ZNF652: variants seen among roughly 807,000 people sequenced by gnomAD.
ZNF652 encodes zinc finger protein 652.
Under a neutral mutation model 45.2 loss-of-function variants are expected in ZNF652, and 16 were observed. The ratio of observed to expected loss-of-function variants is 0.35; its 90% confidence interval spans 0.24 to 0.54. The LOEUF is 0.54. ZNF652 is among the 20% of genes least tolerant of loss of function. The probability of loss-of-function intolerance (pLI) is 0.91; values close to 1 mark genes in which losing one functional copy is unlikely to be tolerated. For missense variants in ZNF652, 614 were observed against 765.6 expected, an observed-to-expected ratio of 0.80 and a Z score of 2.34; for synonymous variants, 250 against 260.6, an observed-to-expected ratio of 0.96 and a Z score of 0.39.
intron 1 of ZNF652, among the ~76,000 whole-genome samples, chr17:49,357,527 G>A (rs909512216): frequency 2.6e-5 from 4 of 152,054 alleles, no homozygotes; most frequent in Non-Finnish European, 5.9e-5. Context: ...GAAGACAATT[G>A]AAATTGTATT....
chr17:49,312,665 T>C, intron 3 of ZNF652, 33 bp downstream of exon 3: 1 of 1,601,944 alleles, frequency 6.2e-7, no homozygotes, highest in Non-Finnish European at 8.5e-7. Context: ...CAAGGGAAAA[T>C]TATAGGTATA....
At chr17:49,330,561 C>T (rs771246299) in intron 1 of ZNF652, among the ~76,000 whole-genome samples, 23 of 151,870 alleles carry the variant, frequency 1.5e-4, no homozygotes, top group Admixed American at 3.9e-4. Context: ...GTTGCCCAGG[C>T]TGGTCTTGAA....
At chr17:49,320,303 T>C (rs1334483629) in intron 1 of ZNF652, among the ~76,000 whole-genome samples, 27 of 152,264 alleles carry the variant, frequency 1.8e-4, no homozygotes, top group Admixed American at 1.7e-3. Flanking sequence ...TTTGCTTTCA[T>C]GGAATTTCAG....
chr17:49,317,213 C>G lies in ZNF652; in HGVS notation c.513G>C (p.Glu171Asp), dbSNP rs754748030. The G allele has an allele frequency of 2.0e-5, 32 of 1,613,516 alleles. No individual in the cohort carries two copies. In the South Asian group the frequency reaches 3.4e-4, roughly 17 times the overall value. The part of the protein sequence containing the change: ...EATDDSNDYG[E>D]NEKQKKKEKI... The stretch of plus-strand genomic sequence containing the variant: ...TCTCCTTTTTCTTCTGCTTTTCATT[C>G]TCTCCATAGTCATTGCTGTCATCTG... The change falls in exon 2 of 6, where the codon GAG (glutamate) becomes GAC (aspartate). Residue 171 changes from glutamate (E) to aspartate (D), a missense_variant. Glu to Asp is a conservative substitution (Grantham distance 45). This residue lies in a region of ZNF652 where 262 missense variants were observed against 306.3 expected (regional missense o/e 0.86). Transcript: ENST00000430262.
chr17:49,346,725 T>A (rs1009986026), intron 1 of ZNF652, among the ~76,000 whole-genome samples: 12 of 152,250 alleles, frequency 7.9e-5, no homozygotes, highest in African/African-American at 2.9e-4. Context: ...TCAACTCTGA[T>A]TTTATCACAT....
chr17:49,327,733 AT>A (rs1567690302), intron 1 of ZNF652, among the ~76,000 whole-genome samples: 327 of 5,490 alleles, frequency 0.06, 1 homozygote, highest in East Asian at 0.17. Context: ...ATAAATAAAT[AT>A]ATATATATAT....
intron 2 of ZNF652, among the ~76,000 whole-genome samples, chr17:49,315,525 T>TTAAA (rs1003681973): frequency 2.0e-5 from 3 of 151,008 alleles, no homozygotes; most frequent in Admixed American, 1.3e-4. Context: ...AAAGTATTTA[T>TTAAA]TAAATGTTTT....
chr17:49,341,652 A>G (rs2070148246), intron 1 of ZNF652, among the ~76,000 whole-genome samples: 1 of 152,090 alleles, frequency 6.6e-6, no homozygotes, highest in Non-Finnish European at 1.5e-5. Context: ...CAACAGCAAG[A>G]CTGTCTCAAA....
intron 1 of ZNF652, among the ~76,000 whole-genome samples, chr17:49,332,507 A>G (rs2070035838): frequency 6.6e-6 from 1 of 152,132 alleles, no homozygotes; most frequent in African/African-American, 2.4e-5. Flanking sequence ...CTCTCTCCCA[A>G]AAGGAACACA....
intron 2 of ZNF652, among the ~76,000 whole-genome samples, chr17:49,316,204 A>G (rs1231041423): frequency 1.3e-5 from 2 of 152,262 alleles, no homozygotes; most frequent in Admixed American, 6.5e-5. Context: ...TTACCTTAAC[A>G]ATACTGTACA....
chr17:49,303,470 C>T (rs1035698473), intron 5 of ZNF652, among the ~76,000 whole-genome samples: 1 of 151,742 alleles, frequency 6.6e-6, no homozygotes, highest in African/African-American at 2.4e-5. Flanking sequence ...ACACTCCTGA[C>T]TTCAACTGAT....
chr17:49,347,930 A>C (rs1001771755), intron 1 of ZNF652, among the ~76,000 whole-genome samples: 32 of 151,824 alleles, frequency 2.1e-4, no homozygotes, highest in Non-Finnish European at 4.3e-4. Context: ...TTTTTTGTAG[A>C]GATGGGGATC....
At chr17:49,333,949 C>G (rs1241346589) in intron 1 of ZNF652, among the ~76,000 whole-genome samples, 4 of 151,814 alleles carry the variant, frequency 2.6e-5, no homozygotes, top group Non-Finnish European at 4.4e-5. Context: ...AAATGGTACA[C>G]TGGAGAACAG....
In ZNF652 at chr17:49,294,830, A is replaced by G. The variant is rs1403147788; in HGVS notation, c.*3583T>C. The G allele has an allele frequency of 2.0e-5, 3 of 152,238 alleles. No individual in the cohort carries two copies. The highest frequency in any genetic ancestry group is 4.4e-5 in the Non-Finnish European group (3 of 68,044). 9.4% of individuals were successfully genotyped at this position (152,238 alleles called of 1,614,324 possible). The stretch of plus-strand genomic sequence containing the variant: ...GCAGCCTTTGTTGTCTTTAACAGAC[A>G]TGTACAGATAAGGGCTGAGAACTCA... On this transcript the variant is annotated 3_prime_UTR_variant, in exon 6 of 6. Transcript: ENST00000430262.
intron 1 of ZNF652, among the ~76,000 whole-genome samples, chr17:49,341,983 C>G (rs140742973): frequency 6.6e-6 from 1 of 152,100 alleles, no homozygotes; most frequent in African/African-American, 2.4e-5. Flanking sequence ...ATCAGGAGTT[C>G]GAGACCAGCC....
chr17:49,361,206 GA>G (rs2070388928), intron 1 of ZNF652: 2 of 152,308 alleles, frequency 1.3e-5, no homozygotes, highest in African/African-American at 4.8e-5. Flanking sequence ...CTCGAATCCT[GA>G]AGACAGACTT....
In ZNF652 at chr17:49,291,791, A is replaced by G. The variant is rs1286070156; in HGVS notation, c.*6622T>C. 5 of 152,376 alleles carry G rather than the reference A, an allele frequency of 3.3e-5. No individual in the cohort carries two copies. The South Asian group carries it at 8.3e-4, about 25-fold the overall frequency. The allele number at this position is 152,376 out of a possible 1,614,324, so 9.4% of individuals were successfully genotyped here. On this transcript the variant is annotated 3_prime_UTR_variant, in exon 6 of 6. Transcript: ENST00000430262. Reference sequence around the variant, plus strand: ...AGATCAATAATGAGGAAGAAACATCATGGCAAATCAAGTGAAAGGTAATTA... The same window carrying G: ...AGATCAATAATGAGGAAGAAACATCGTGGCAAATCAAGTGAAAGGTAATTA...
rs2069731330 is a variant in ZNF652, at chr17:49,312,573, GCATT to G, written c.1048+121_1048+124del. On this transcript the variant is annotated intron_variant, in intron 3 of 5. Transcript: ENST00000430262. ...TGGTGATACTTACTGAAGACATAAT[GCATT>G]CAGTTTCAACATGTCAAAACTGATT... 4 of 967,768 alleles carry G rather than the reference GCATT, an allele frequency of 4.1e-6. No individual in the cohort carries two copies. The Admixed American group carries it at 1.0e-4, about 25-fold the overall frequency. The allele number at this position is 967,768 out of a possible 1,614,324, so 59.9% of individuals were successfully genotyped here.
chr17:49,288,731 G>A (rs1270218713), downstream of ZNF652, among the ~76,000 whole-genome samples: 1 of 152,196 alleles, frequency 6.6e-6, no homozygotes. Flanking sequence ...TGGAATAAAT[G>A]AATGACTGAA....
Sources: allele counts gnomAD v4.1 joint callset (sites outside exome capture counted in the v4.1 genomes callset), GRCh38; gene constraint gnomAD v4.1.1; regional missense constraint gnomAD v4.1.1; transcripts MANE v1.5; gene names NCBI Gene and HGNC (gene_info 2026-07-23, HGNC 2026-07-21).